The following SLC26A4 variants were observed in gnomAD, a reference collection of about 807,000 sequenced individuals.
The protein encoded by SLC26A4 is solute carrier family 26 member 4.
SLC26A4 carries 93 observed loss-of-function variants against 90.4 expected under a neutral mutation model. The observed-to-expected ratio is 1.03, with a 90% CI of 0.87 to 1.22. SLC26A4 has a LOEUF of 1.22. Ranked by LOEUF, SLC26A4 falls within the 50% of genes most tolerant of loss-of-function variation. The probability of loss-of-function intolerance (pLI) is 0.00; values close to 1 mark genes in which losing one functional copy is unlikely to be tolerated. For missense variants in SLC26A4, 1,127 were observed against 946.2 expected, an observed-to-expected ratio of 1.19 and a Z score of -2.51; for synonymous variants, 393 against 354.6, an observed-to-expected ratio of 1.11 and a Z score of -1.22.
intron 8 of SLC26A4, among the ~76,000 whole-genome samples, chr7:107,685,766 T>G (rs1255851684): frequency 1.3e-5 from 2 of 152,220 alleles, no homozygotes; most frequent in Non-Finnish European, 2.9e-5. Context: ...TCTCTTCTCA[T>G]GCAACTGGTC....
At chr7:107,683,647 A>G (rs767439814) in intron 8 of SLC26A4, 110 bp downstream of exon 8, 1 of 831,342 alleles carries the variant, frequency 1.2e-6, no homozygotes, top group African/African-American at 1.7e-5. Context: ...CTCCTTCAAT[A>G]GTCCTATTTG....
At position 107,683,188 on chromosome 7, in the gene SLC26A4, T is replaced by C. The variant is rs1791294498; in HGVS notation, c.766-14T>C. ...TAGCAGCAGGAAGTATATAAAATTA[T>C]TTTCTTTTTATAGACGCTGGTTGAG... is the stretch of plus-strand genomic sequence containing the variant. On this transcript the variant is annotated splice_polypyrimidine_tract_variant and intron_variant, in intron 6 of 20. Transcript: ENST00000644269. 2 of 1,604,158 alleles carry C rather than the reference T, an allele frequency of 1.2e-6. No homozygotes were observed. Among genetic ancestry groups the C allele is most frequent in the Admixed American group, 1.7e-5 (1 of 59,910 alleles).
At chr7:107,696,559 G>A (rs557439129) in intron 13 of SLC26A4, among the ~76,000 whole-genome samples, 1 of 152,192 alleles carries the variant, frequency 6.6e-6, no homozygotes, top group East Asian at 1.9e-4. Context: ...CAGAACAGGA[G>A]GACTTTAAAA....
chr7:107,683,632 T>C, intron 8 of SLC26A4, 95 bp downstream of exon 8: 1 of 923,346 alleles, frequency 1.1e-6, no homozygotes, highest in Non-Finnish European at 1.7e-6. Flanking sequence ...TTCATTTCAC[T>C]GATACTCCTT....
chr7:107,702,589 T>G (rs952738743), intron 17 of SLC26A4, among the ~76,000 whole-genome samples: 1 of 150,876 alleles, frequency 6.6e-6, no homozygotes, highest in Non-Finnish European at 1.5e-5. Context: ...CCTAGGAGGC[T>G]GTGGCAGGAG....
intron 20 of SLC26A4, among the ~76,000 whole-genome samples, chr7:107,713,906 T>G (rs570271965): frequency 6.3e-5 from 7 of 110,884 alleles, no homozygotes; most frequent in East Asian, 6.3e-4. Context: ...TGTATTATTA[T>G]TAGTATTATT....
chr7:107,717,204 A>T lies in SLC26A4; in HGVS notation c.*1758A>T, dbSNP rs1361182796. 6.6e-6 allele frequency: 1 copy of T among 152,046 alleles called. No homozygotes were observed. The highest frequency in any genetic ancestry group is 2.4e-5 in the African/African-American group (1 of 41,390). The allele number at this position is 152,046 out of a possible 1,614,324, so 9.4% of individuals were successfully genotyped here. On this transcript the variant is annotated 3_prime_UTR_variant, in exon 21 of 21. Transcript: ENST00000644269. ...AACCCCGTCTCTACTAAAAATAGAA[A>T]AAAAGAAATTAGCCTAGCGTGGTGG...
intron 8 of SLC26A4, among the ~76,000 whole-genome samples, chr7:107,684,900 C>G (rs1791353160): frequency 6.6e-6 from 1 of 152,204 alleles, no homozygotes; most frequent in African/African-American, 2.4e-5. Flanking sequence ...GTCCACAGAG[C>G]AGGCCCTGTC....
chr7:107,701,785 C>T, intron 16 of SLC26A4, 42 bp from the exon 17 acceptor site: 3 of 1,278,716 alleles, frequency 2.3e-6, no homozygotes, highest in Non-Finnish European at 3.4e-6. Context: ...TGAAAGATTT[C>T]AAATCTTTGA....
chr7:107,701,278 TCCTCTTTAGTATCCAGATGTGAATGAAC>T, intron 16 of SLC26A4, 82 bp downstream of exon 16: 1 of 839,966 alleles, frequency 1.2e-6, no homozygotes, highest in East Asian at 2.5e-5. Flanking sequence ...ATTAAATCTA[TCCTCTTTAGTATCCAGATGTGAATGAAC>T]AAATGACATG....
At chr7:107,680,479 A>G (rs893017305) in intron 6 of SLC26A4, among the ~76,000 whole-genome samples, 1 of 146,326 alleles carries the variant, frequency 6.8e-6, no homozygotes, top group South Asian at 2.1e-4. Flanking sequence ...GTATAATCTT[A>G]TATTATTATA....
At chr7:107,677,870 G>A (rs1280337036) in intron 6 of SLC26A4, among the ~76,000 whole-genome samples, 1 of 152,052 alleles carries the variant, frequency 6.6e-6, no homozygotes, top group East Asian at 1.9e-4. Context: ...TCTCACTTTG[G>A]CCTCCCAAAG....
rs1791504116 is a variant in SLC26A4 at position 107,689,214 on chromosome 7, T to C, written c.1149+14T>C. 1 of 1,613,098 alleles carries C rather than the reference T, an allele frequency of 6.2e-7. No individual in the cohort carries two copies. Among genetic ancestry groups the C allele is most frequent in the Admixed American group, 1.7e-5 (1 of 59,970 alleles). On this transcript the variant is annotated intron_variant, in intron 9 of 20. Coordinates refer to ENST00000644269, the MANE Select transcript of SLC26A4 (RefSeq NM_000441.2). Reference sequence around the variant, plus strand: ...GATGGGAACCAGGTATGGGTGCCCTTTTGCTGAACTGGTTTTATAGGGCTG... The same window carrying C: ...GATGGGAACCAGGTATGGGTGCCCTCTTGCTGAACTGGTTTTATAGGGCTG...
At chr7:107,696,134 TC>T (rs1379655870) in intron 13 of SLC26A4, 95 bp downstream of exon 13, 1 of 802,734 alleles carries the variant, frequency 1.2e-6, no homozygotes, top group Non-Finnish European at 2.3e-6. Flanking sequence ...CCACTTTCTT[TC>T]GTTATAGTTA....
chr7:107,682,139 A>G (rs1272763833), intron 6 of SLC26A4, among the ~76,000 whole-genome samples: 1 of 116,230 alleles, frequency 8.6e-6, no homozygotes, highest in South Asian at 2.8e-4. Context: ...AATTTTTTTT[A>G]TGTTATCTTA....
At chr7:107,695,484 A>T (rs1193214369) in intron 12 of SLC26A4, among the ~76,000 whole-genome samples, 1 of 152,244 alleles carries the variant, frequency 6.6e-6, no homozygotes, top group Non-Finnish European at 1.5e-5. Context: ...CTACTTAAAT[A>T]TAAAATGAAT....
rs111033307 is a variant in SLC26A4, at chr7:107,694,473, T to G, written c.1334T>G (p.Leu445Trp). The G allele has an allele frequency of 1.4e-4, 224 of 1,612,682 alleles. No homozygotes were observed. The highest frequency in any genetic ancestry group is 1.8e-4 in the Non-Finnish European group (212 of 1,178,870). ...ILALGKLLEP[L>W]QKSVLAAVVI... Reference sequence around the variant, plus strand: ...GCCCTGGGGAAGCTTCTGGAACCCTTGCAGAAGGTATAACCCTGCTTCTCT... The same window carrying G: ...GCCCTGGGGAAGCTTCTGGAACCCTGGCAGAAGGTATAACCCTGCTTCTCT... Residue 445 changes from leucine (L) to tryptophan (W), a missense_variant, in exon 11 of 21, where the codon TTG becomes TGG. Coordinates refer to ENST00000644269, the MANE Select transcript of SLC26A4 (RefSeq NM_000441.2).
At position 107,715,464 on chromosome 7, in the gene SLC26A4, C is replaced by G. The variant is rs1316078804; in HGVS notation, c.*18C>G. 4.4e-6 allele frequency: 7 copies of G among 1,605,300 alleles called. No individual in the cohort carries two copies. The highest frequency in any genetic ancestry group is 4.3e-6 in the Non-Finnish European group (5 of 1,172,102). On this transcript the variant is annotated 3_prime_UTR_variant, in exon 21 of 21. Coordinates refer to ENST00000644269, the MANE Select transcript of SLC26A4 (RefSeq NM_000441.2). ...CATCCTGAAAGTGGGTTCGGGAGGT[C>G]TCTATGAGCAAGGAATACAAGACAA...
At chr7:107,686,453 C>CTTTCTTTT (rs1562831279) in intron 8 of SLC26A4, among the ~76,000 whole-genome samples, 1 of 36,766 alleles carries the variant, frequency 2.7e-5, no homozygotes, top group African/African-American at 1.3e-4. Context: ...TTCTTTCTTT[C>CTTTCTTTT]TTTTCTTTCT....
Sources: gnomAD v4.1 joint callset for allele counts (sites outside exome capture counted in the v4.1 genomes callset) on GRCh38, gnomAD v4.1.1 for gene constraint, MANE v1.5 for transcripts, NCBI Gene and HGNC (gene_info 2026-07-23, HGNC 2026-07-21) for gene names.